TMEM182: variants seen among roughly 807,000 people sequenced by gnomAD.
TMEM182 encodes the protein transmembrane protein 182.
In TMEM182, 20 loss-of-function variants were observed where a neutral mutation model predicts 26.8. The observed-to-expected ratio is 0.75, with a 90% CI of 0.53 to 1.09. The LOEUF (loss-of-function observed/expected upper bound fraction) is 1.09, where lower values mean the gene tolerates loss of function less well. Among genes scored for constraint, TMEM182 ranks in the 50% least tolerant of loss-of-function variants. TMEM182 has a pLI of 0.00. For synonymous variants in TMEM182, 109 were observed against 102.2 expected (o/e 1.07, Z -0.40); for missense variants, 277 against 275.5 (o/e 1.01, Z -0.04).
intron 3 of TMEM182, among the ~76,000 whole-genome samples, chr2:102,768,460 G>A (rs376858775): frequency 9.2e-5 from 14 of 151,780 alleles, no homozygotes; most frequent in Admixed American, 2.6e-4. Flanking sequence ...AGGCTGAGGC[G>A]GGCAGATCAC....
chr2:102,750,070 G>A (rs902793366), intron 1 of TMEM182, among the ~76,000 whole-genome samples: 1 of 151,612 alleles, frequency 6.6e-6, no homozygotes, highest in African/African-American at 2.4e-5. Context: ...AAAGATGGCT[G>A]CCTAATACCT....
intron 3 of TMEM182, among the ~76,000 whole-genome samples, chr2:102,837,215 TAAG>T (rs1429053882): frequency 6.6e-6 from 1 of 152,152 alleles, no homozygotes; most frequent in Non-Finnish European, 1.5e-5. Flanking sequence ...ATGTTAGACA[TAAG>T]AAGGTGAAGT....
Position 102,817,405 on chromosome 2 carries a change from G to T in TMEM182, c.*2437G>T. 1.0e-6 allele frequency: 1 copy of T among 985,372 alleles called. No homozygotes were observed. The highest frequency in any genetic ancestry group is 1.2e-6 in the Non-Finnish European group (1 of 829,904). 61.0% of individuals were successfully genotyped at this position (985,372 alleles called of 1,614,324 possible). Reference sequence around the variant, plus strand: ...AAAAGGGCAGTGAGTTATGCTCTTGGACTTGGTGAAAGCTATCATCTCTCC... The same window carrying T: ...AAAAGGGCAGTGAGTTATGCTCTTGTACTTGGTGAAAGCTATCATCTCTCC... On this transcript the variant is annotated 3_prime_UTR_variant, in exon 5 of 5. Transcript: ENST00000412401.
At chr2:102,831,036 C>T (rs978457595) in intron 3 of TMEM182, among the ~76,000 whole-genome samples, 5 of 152,190 alleles carry the variant, frequency 3.3e-5, no homozygotes, top group Non-Finnish European at 7.3e-5. Context: ...ATGACTGGAT[C>T]TTATTCTTTT....
intron 3 of TMEM182, among the ~76,000 whole-genome samples, chr2:102,773,304 A>G (rs1041810083): frequency 6.6e-6 from 1 of 152,000 alleles, no homozygotes; most frequent in Admixed American, 6.6e-5. Flanking sequence ...TAGTTAGAAG[A>G]TGATAAGTGC....
chr2:102,812,384 TAC>T (rs61175945), intron 4 of TMEM182, among the ~76,000 whole-genome samples: 25,962 of 142,916 alleles, frequency 0.18, 2,237 homozygotes, highest in South Asian at 0.24. Flanking sequence ...TCTACACATG[TAC>T]ACACACACAC....
At chr2:102,769,909 C>A (rs6705568) in intron 3 of TMEM182, among the ~76,000 whole-genome samples, 6 of 151,936 alleles carry the variant, frequency 3.9e-5, no homozygotes, top group African/African-American at 1.2e-4. Context: ...TTGGTTTGGA[C>A]GTATTAAACT....
At chr2:102,808,483 A>C (rs1340636090) in intron 4 of TMEM182, among the ~76,000 whole-genome samples, 2 of 152,210 alleles carry the variant, frequency 1.3e-5, no homozygotes, top group Non-Finnish European at 2.9e-5. Flanking sequence ...TGCCTGCCGT[A>C]GCATCGATAA....
At chr2:102,771,431 C>G (rs1680667478) in intron 3 of TMEM182, among the ~76,000 whole-genome samples, 1 of 152,124 alleles carries the variant, frequency 6.6e-6, no homozygotes, top group Non-Finnish European at 1.5e-5. Context: ...CACTCCAGCT[C>G]TTGAGGGTAG....
intron 1 of TMEM182, among the ~76,000 whole-genome samples, chr2:102,741,706 T>C (rs922860081): frequency 1.3e-5 from 2 of 152,170 alleles, no homozygotes; most frequent in African/African-American, 4.8e-5. Context: ...CCCAACACCT[T>C]ACAAAAATAT....
chr2:102,746,236 G>A (rs527429334), intron 1 of TMEM182, among the ~76,000 whole-genome samples: 4 of 152,064 alleles, frequency 2.6e-5, no homozygotes, highest in African/African-American at 9.7e-5. Flanking sequence ...TGTATATCTT[G>A]TTGGGAGAAA....
At chr2:102,840,489 C>T (rs1482461447) in intron 3 of TMEM182, among the ~76,000 whole-genome samples, 1 of 152,086 alleles carries the variant, frequency 6.6e-6, no homozygotes, top group African/African-American at 2.4e-5. Context: ...GGGGCAGGAA[C>T]CAATGTAAAC....
In TMEM182 at chr2:102,770,363, T is replaced by C. The variant is rs1035535978; in HGVS notation, c.331+5936T>C. On this transcript the variant is annotated intron_variant, in intron 3 of 4. Coordinates refer to ENST00000412401, the MANE Select transcript of TMEM182 (RefSeq NM_144632.5). ...TCAGCTACAGACACCCATTAAAGTC[T>C]CCTTGTTCCAGGCACCTACTTCTAT... Among the ~76,000 whole-genome samples the C allele has an allele frequency of 2.6e-5, 4 of 152,272 alleles. No individual in the cohort carries two copies. In the East Asian group the frequency reaches 5.8e-4, roughly 22 times the overall value.
At chr2:102,804,380 G>A (rs1682269572) in intron 4 of TMEM182, among the ~76,000 whole-genome samples, 1 of 151,992 alleles carries the variant, frequency 6.6e-6, no homozygotes, top group South Asian at 2.1e-4. Context: ...TCATAGCTTA[G>A]CTTGCATATA....
At chr2:102,827,752 G>A (rs1683063016) in intron 3 of TMEM182, among the ~76,000 whole-genome samples, 2 of 152,264 alleles carry the variant, frequency 1.3e-5, no homozygotes, top group East Asian at 1.9e-4. Context: ...CAGAATATTC[G>A]AGAAAAACAA....
intron 3 of TMEM182, 35 bp from the exon 4 acceptor site, chr2:102,797,828 T>TACACAA: frequency 6.3e-7 from 1 of 1,591,042 alleles, no homozygotes; most frequent in Non-Finnish European, 8.5e-7. Context: ...AAGTGTATTT[T>TACACAA]TCTTTCTTTT....
chr2:102,793,340 A>G (rs1180430389), intron 3 of TMEM182, among the ~76,000 whole-genome samples: 1 of 152,224 alleles, frequency 6.6e-6, no homozygotes, highest in Non-Finnish European at 1.5e-5. Context: ...GTAAATGGAC[A>G]GAAAACGTTC....
chr2:102,778,657 GTATAACTTC>G (rs1681031499), intron 3 of TMEM182, among the ~76,000 whole-genome samples: 1 of 151,506 alleles, frequency 6.6e-6, no homozygotes, highest in South Asian at 2.1e-4. Flanking sequence ...GTATCTCTTT[GTATAACTTC>G]TATAATCATC....
intron 4 of TMEM182, among the ~76,000 whole-genome samples, chr2:102,812,587 T>C (rs1009765228): frequency 6.6e-6 from 1 of 152,232 alleles, no homozygotes; most frequent in Non-Finnish European, 1.5e-5. Context: ...TATTTAAATA[T>C]AAGTTAATTC....
Sources: gnomAD v4.1 joint callset for allele counts (sites outside exome capture counted in the v4.1 genomes callset) on GRCh38, gnomAD v4.1.1 for gene constraint, MANE v1.5 for transcripts, NCBI Gene and HGNC (gene_info 2026-07-23, HGNC 2026-07-21) for gene names.